NCF2: variants seen among roughly 807,000 people sequenced by gnomAD.
NCF2 encodes the protein neutrophil cytosol factor 2.
Under a neutral mutation model 70.9 loss-of-function variants are expected in NCF2, and 45 were observed. That is an observed-to-expected ratio of 0.63 (90% CI 0.50 to 0.81). The LOEUF (loss-of-function observed/expected upper bound fraction) is 0.81. Ranked by LOEUF, NCF2 falls within the 40% of genes least tolerant of loss-of-function variation. The pLI is 0.00. For missense variants in NCF2, 522 were observed against 631.6 expected (o/e 0.83, Z 1.86); for synonymous variants, 203 against 233.6 (o/e 0.87, Z 1.19).
At chr1:183,571,321 T>C (rs377522028) in intron 5 of NCF2, among the ~76,000 whole-genome samples, 2 of 152,116 alleles carry the variant, frequency 1.3e-5, no homozygotes, top group Non-Finnish European at 2.9e-5. Context: ...TTTCACCATG[T>C]TGGCCAGGCT....
chr1:183,579,738 CAAAAAAAAA>C (rs397982209), intron 2 of NCF2, among the ~76,000 whole-genome samples: 152 of 38,862 alleles, frequency 3.9e-3, no homozygotes, highest in Middle Eastern at 0.016. Flanking sequence ...GACTCTGTCT[CAAAAAAAAA>C]AAAAAAAAAA....
At chr1:183,599,478 C>CTTTCTTTCTTTCTTTCTTTCTT in the NCF2 span, among the ~76,000 whole-genome samples, 3 of 125,298 alleles carry the variant, frequency 2.4e-5, no homozygotes, top group South Asian at 5.1e-4. Flanking sequence ...TTCTTTCTTT[C>CTTTCTTTCTTTCTTTCTTTCTT]TTTCTCTTTT....
intron 5 of NCF2, among the ~76,000 whole-genome samples, chr1:183,572,309 C>T (rs1672603383): frequency 6.6e-6 from 1 of 152,232 alleles, no homozygotes; most frequent in African/African-American, 2.4e-5. Flanking sequence ...CTCAGCCTCC[C>T]AGGTAGCTGG....
chr1:183,580,539 C>T (rs1023917351), intron 2 of NCF2, among the ~76,000 whole-genome samples: 6 of 152,142 alleles, frequency 3.9e-5, no homozygotes, highest in Admixed American at 6.5e-5. Flanking sequence ...CTTTAACTGC[C>T]GTCAGCATCA....
At chr1:183,571,771 A>G (rs986590561) in intron 5 of NCF2, among the ~76,000 whole-genome samples, 3 of 152,350 alleles carry the variant, frequency 2.0e-5, no homozygotes, top group African/African-American at 7.2e-5. Flanking sequence ...GACTCAGTGG[A>G]GATCAAGCAG....
intron 6 of NCF2, 39 bp downstream of exon 6, chr1:183,570,741 C>G: frequency 1.9e-6 from 3 of 1,603,524 alleles, no homozygotes; most frequent in Non-Finnish European, 2.6e-6. Context: ...AGAAAGCTCT[C>G]GAGACCTAGG....
intron 9 of NCF2, among the ~76,000 whole-genome samples, chr1:183,566,222 A>G (rs1263102418): frequency 6.6e-6 from 1 of 152,184 alleles, no homozygotes; most frequent in Non-Finnish European, 1.5e-5. Context: ...CTGGTTGCAC[A>G]GTCTAGAGAC....
At chr1:183,564,817 CAT>C (rs1459728198) in intron 10 of NCF2, among the ~76,000 whole-genome samples, 1 of 152,198 alleles carries the variant, frequency 6.6e-6, no homozygotes, top group Non-Finnish European at 1.5e-5. Context: ...ATAATACTAT[CAT>C]ATGAATGTTT....
At chr1:183,577,019 T>C (rs1373311607) in intron 3 of NCF2, among the ~76,000 whole-genome samples, 15 of 152,330 alleles carry the variant, frequency 9.8e-5, no homozygotes. Flanking sequence ...TGCAGAAACC[T>C]TTACCTAAAT....
intron 7 of NCF2, 95 bp downstream of exon 7, chr1:183,569,047 C>T (rs1277030607): frequency 8.1e-6 from 10 of 1,228,608 alleles, no homozygotes; most frequent in Non-Finnish European, 1.2e-5. Flanking sequence ...AAGATTTAGA[C>T]CCTGACCCCA....
intron 4 of NCF2, 45 bp downstream of exon 4, chr1:183,574,442 A>C: frequency 1.2e-6 from 2 of 1,613,894 alleles, no homozygotes; most frequent in Non-Finnish European, 8.5e-7. Context: ...GACAAATGAG[A>C]ATCCAGTGAC....
chr1:183,562,028 C>T (rs1435228744), intron 13 of NCF2, among the ~76,000 whole-genome samples: 1 of 152,062 alleles, frequency 6.6e-6, no homozygotes, highest in Admixed American at 6.6e-5. Flanking sequence ...GTTGGAATTA[C>T]AGGCATGAGC....
intron 3 of NCF2, among the ~76,000 whole-genome samples, chr1:183,576,219 C>T (rs903346185): frequency 1.3e-5 from 2 of 152,068 alleles, no homozygotes; most frequent in African/African-American, 2.4e-5. Context: ...GGCCTTAGAC[C>T]CTGAAAAGTT....
At chr1:183,601,701 C>G in the NCF2 span, among the ~76,000 whole-genome samples, 3 of 151,722 alleles carry the variant, frequency 2.0e-5, no homozygotes, top group East Asian at 5.8e-4. Context: ...ACTAAAAATA[C>G]AAAAAAATTA....
chr1:183,573,084 G>C, intron 5 of NCF2, 101 bp downstream of exon 5: 1 of 1,060,384 alleles, frequency 9.4e-7, no homozygotes, highest in Non-Finnish European at 1.5e-6. Context: ...CCCAGGGACA[G>C]AGCCACAAGG....
Position 183,573,184 on chromosome 1 carries a change from C to A in NCF2, c.609+1G>T. ...AGGGGAAGCTGAGCAATCCCACCTA[C>A]CGTCGCCTTGCCTAGGTAATCCTTC... On this transcript the variant is annotated splice_donor_variant, in intron 5 of 14. Coordinates refer to ENST00000367535, the MANE Select transcript of NCF2 (RefSeq NM_000433.4). LOFTEE classifies it high-confidence loss of function. 1 of 1,613,806 alleles carries A rather than the reference C, an allele frequency of 6.2e-7. No homozygotes were observed. The highest frequency in any genetic ancestry group is 8.5e-7 in the Non-Finnish European group (1 of 1,179,776).
intron 2 of NCF2, among the ~76,000 whole-genome samples, chr1:183,581,707 T>A (rs551846553): frequency 6.6e-6 from 1 of 151,736 alleles, no homozygotes; most frequent in East Asian, 2.0e-4. Flanking sequence ...CTCGCTCTGT[T>A]GCCCTGGCTG....
rs35571284 is a variant in NCF2, at chr1:183,585,042, GA to G, written c.257+1852del. ...CATTGTGTCTGTGGTTTTTCTTTTA[GA>G]AAAGACTTCACTTCTACTTTCACTT... On this transcript the variant is annotated intron_variant, in intron 2 of 14. Transcript: ENST00000367535. Among the ~76,000 whole-genome samples, 707 of 152,204 alleles carry G rather than the reference GA, an allele frequency of 4.6e-3. 3 individuals carry two copies. The highest frequency in any genetic ancestry group is 0.016 in the African/African-American group (681 of 41,518).
intron 2 of NCF2, among the ~76,000 whole-genome samples, chr1:183,585,298 C>G (rs1351337347): frequency 6.6e-6 from 1 of 152,080 alleles, no homozygotes; most frequent in Non-Finnish European, 1.5e-5. Context: ...CTCACCCCAC[C>G]CACACCATGC....
Sources: allele counts gnomAD v4.1 joint callset (sites outside exome capture counted in the v4.1 genomes callset), GRCh38; gene constraint gnomAD v4.1.1; transcripts MANE v1.5; gene names NCBI Gene and HGNC (gene_info 2026-07-23, HGNC 2026-07-21).